The following STAG1 variants were observed in gnomAD, a reference collection of about 807,000 sequenced individuals.
The protein encoded by STAG1 is cohesin subunit SA-1.
In STAG1, 26 loss-of-function variants were observed where a neutral mutation model predicts 170.9. The ratio of observed to expected loss-of-function variants is 0.15; its 90% CI spans 0.11 to 0.21. The LOEUF (loss-of-function observed/expected upper bound fraction) is 0.21. STAG1 is among the 10% of genes least tolerant of loss of function. The pLI is 1.00. For missense variants in STAG1, 964 were observed against 1,509.5 expected (o/e 0.64, Z 5.99); for synonymous variants, 514 against 497.7 (o/e 1.03, Z -0.44).
intron 7 of STAG1, among the ~76,000 whole-genome samples, chr3:136,504,499 T>C (rs1933655061): frequency 6.6e-6 from 1 of 152,190 alleles, no homozygotes; most frequent in African/African-American, 2.4e-5. Flanking sequence ...TAGTAGTATA[T>C]TGGACTACAC....
At chr3:136,688,599 C>T (rs765736329) in intron 1 of STAG1, among the ~76,000 whole-genome samples, 18 of 152,114 alleles carry the variant, frequency 1.2e-4, no homozygotes, top group Non-Finnish European at 1.8e-4. Flanking sequence ...GCCATGTTGG[C>T]CAGGCTAGTC....
chr3:136,357,665 AAC>A (rs971194465), intron 28 of STAG1, 53 bp downstream of exon 28: 7 of 1,433,172 alleles, frequency 4.9e-6, no homozygotes, highest in Non-Finnish European at 5.6e-6. Flanking sequence ...TCAAAAAATA[AAC>A]ATTTACAACA....
intron 1 of STAG1, among the ~76,000 whole-genome samples, chr3:136,647,360 A>G (rs1396297526): frequency 1.3e-5 from 2 of 152,192 alleles, no homozygotes; most frequent in Admixed American, 6.5e-5. Flanking sequence ...ACCTGAGGTC[A>G]GGAGTTTGAG....
At chr3:136,472,368 TATTAAA>T in intron 12 of STAG1, 39 bp downstream of exon 12, 1 of 1,393,312 alleles carries the variant, frequency 7.2e-7, no homozygotes, top group East Asian at 2.3e-5. Context: ...GGGGAAAAGG[TATTAAA>T]ATATCAATAA....
chr3:136,589,487 G>C (rs1476328287), intron 4 of STAG1, among the ~76,000 whole-genome samples: 1 of 151,584 alleles, frequency 6.6e-6, no homozygotes, highest in African/African-American at 2.4e-5. Flanking sequence ...CTGGGTGACA[G>C]AGCGAGACTC....
At chr3:136,355,224 C>T (rs902050880) in intron 28 of STAG1, among the ~76,000 whole-genome samples, 11 of 151,400 alleles carry the variant, frequency 7.3e-5, no homozygotes, top group South Asian at 6.3e-4. Context: ...TGGTGGCACG[C>T]GCCTATAGTC....
At chr3:136,729,366 A>C (rs1242037251) in intron 1 of STAG1, among the ~76,000 whole-genome samples, 1 of 151,892 alleles carries the variant, frequency 6.6e-6, no homozygotes, top group Non-Finnish European at 1.5e-5. Flanking sequence ...CTATCCACTA[A>C]ACTCTCCCTC....
At chr3:136,479,043 T>G (rs925522072) in intron 9 of STAG1, among the ~76,000 whole-genome samples, 3 of 150,460 alleles carry the variant, frequency 2.0e-5, no homozygotes. Context: ...CATTAAATGT[T>G]GGCTATTATA....
At chr3:136,494,817 C>A (rs919445687) in intron 9 of STAG1, among the ~76,000 whole-genome samples, 2 of 152,118 alleles carry the variant, frequency 1.3e-5, no homozygotes, top group African/African-American at 4.8e-5. Context: ...TTAATAACAT[C>A]GTGCCTAATT....
chr3:136,694,260 T>C (rs1234857196), intron 1 of STAG1, among the ~76,000 whole-genome samples: 4 of 152,212 alleles, frequency 2.6e-5, no homozygotes, highest in Middle Eastern at 3.4e-3. Context: ...TCACAGGGGA[T>C]AGATGCAACT....
chr3:136,378,347 A>T (rs2108309049), intron 22 of STAG1, among the ~76,000 whole-genome samples: 1 of 152,340 alleles, frequency 6.6e-6, no homozygotes. Flanking sequence ...GGGTAAATAG[A>T]TTTAATTAGA....
At chr3:136,551,428 A>AATTTT (rs1936396829) in intron 5 of STAG1, among the ~76,000 whole-genome samples, 1 of 117,508 alleles carries the variant, frequency 8.5e-6, no homozygotes, top group Non-Finnish European at 1.7e-5. Context: ...CATCTGGCTA[A>AATTTT]TTTTTTTTTT....
chr3:136,424,268 A>G (rs995561311), intron 16 of STAG1, among the ~76,000 whole-genome samples: 1 of 152,104 alleles, frequency 6.6e-6, no homozygotes, highest in East Asian at 1.9e-4. Context: ...TTCATTTGAC[A>G]ATGTATGAAA....
intron 14 of STAG1, among the ~76,000 whole-genome samples, chr3:136,450,837 C>T (rs1162837885): frequency 6.6e-6 from 1 of 152,082 alleles, no homozygotes; most frequent in Non-Finnish European, 1.5e-5. Flanking sequence ...CAACCTCTGC[C>T]TCCTGGGTTC....
At chr3:136,464,212 T>A (rs1244535293) in intron 13 of STAG1, among the ~76,000 whole-genome samples, 2 of 151,534 alleles carry the variant, frequency 1.3e-5, no homozygotes, top group Non-Finnish European at 2.9e-5. Flanking sequence ...TTACCTGAGG[T>A]CGGGAGTTCG....
In STAG1 at chr3:136,349,278, A is replaced by C; in HGVS notation, c.3151T>G (p.Ser1051Ala). ...TCATCTTCACCCCCAGTGACTAATG[A>C]ATTTCTATAGGAGATGAGTGGAAGC... ...VWLPLISYRN[S>A]LVTGGEDDRM... The change falls in exon 29 of 34, where the codon TCA (serine) becomes GCA (alanine). Residue 1051 changes from serine (S) to alanine (A), a missense_variant. By Grantham distance (99) the Ser-to-Ala change is moderately conservative. Around this residue, in one of 11 missense-constraint regions of STAG1, gnomAD observed 149 missense variants for 301.3 expected, o/e 0.49. Coordinates refer to ENST00000383202, the MANE Select transcript of STAG1 (RefSeq NM_005862.3). 6.2e-7 allele frequency: 1 copy of C among 1,614,002 alleles called. No homozygotes were observed. The highest frequency in any genetic ancestry group is 8.5e-7 in the Non-Finnish European group (1 of 1,179,950).
At position 136,399,375 on chromosome 3, in the gene STAG1, AAGG is replaced by A. The variant is rs1351901538; in HGVS notation, c.2197-549_2197-547del. Among the ~76,000 whole-genome samples, 12 of 152,302 alleles carry A rather than the reference AAGG, an allele frequency of 7.9e-5. No individual in the cohort carries two copies. The East Asian group carries it at 1.3e-3, about 17-fold the overall frequency. ...CCAATATAATTATCTTTCTTCTCCC[AAGG>A]GCAACAGTTATTATGGATTATTTGG... On this transcript the variant is annotated intron_variant, in intron 21 of 33. Coordinates refer to ENST00000383202, the MANE Select transcript of STAG1 (RefSeq NM_005862.3).
At chr3:136,696,894 G>T (rs540548070) in intron 1 of STAG1, among the ~76,000 whole-genome samples, 1 of 152,102 alleles carries the variant, frequency 6.6e-6, no homozygotes, top group Admixed American at 6.6e-5. Flanking sequence ...ATCAAAAAGG[G>T]TATGAGGGAA....
chr3:136,371,900 T>C (rs1306586783), intron 23 of STAG1, among the ~76,000 whole-genome samples: 7 of 152,348 alleles, frequency 4.6e-5, no homozygotes, highest in Non-Finnish European at 8.8e-5. Flanking sequence ...AAGAAAGTCA[T>C]TGGTAGCTTG....
Sources: allele counts gnomAD v4.1 joint callset (sites outside exome capture counted in the v4.1 genomes callset), GRCh38; gene constraint gnomAD v4.1.1; regional missense constraint gnomAD v4.1.1; transcripts MANE v1.5; gene names NCBI Gene and HGNC (gene_info 2026-07-23, HGNC 2026-07-21).